CRIM1: variants seen among roughly 807,000 people sequenced by gnomAD.
CRIM1 encodes the protein cysteine-rich motor neuron 1 protein.
CRIM1 carries 32 observed loss-of-function variants against 116.4 expected under a neutral mutation model. The ratio of observed to expected loss-of-function variants is 0.27; its 90% CI spans 0.21 to 0.37. The LOEUF (loss-of-function observed/expected upper bound fraction) is 0.37. Ranked by LOEUF, CRIM1 falls within the 10% of genes least tolerant of loss-of-function variation. CRIM1 has a pLI of 1.00. For synonymous variants in CRIM1, 590 were observed against 509.2 expected (o/e 1.16, Z -2.13); for missense variants, 1,331 against 1,354.8 (o/e 0.98, Z 0.28).
At chr2:36,408,711 GTAAT>G (rs1390310885) in intron 2 of CRIM1, among the ~76,000 whole-genome samples, 4 of 152,024 alleles carry the variant, frequency 2.6e-5, no homozygotes, top group Non-Finnish European at 5.9e-5. Context: ...GTTAGTTAGT[GTAAT>G]TAGTATTCCA....
chr2:36,393,489 A>G (rs1671778847), intron 1 of CRIM1, among the ~76,000 whole-genome samples: 4 of 152,136 alleles, frequency 2.6e-5, no homozygotes, highest in African/African-American at 9.7e-5. Flanking sequence ...CTATATACAC[A>G]TATATGTATA....
intron 4 of CRIM1, among the ~76,000 whole-genome samples, chr2:36,457,157 T>G (rs115331155): frequency 3.9e-5 from 6 of 152,126 alleles, no homozygotes; most frequent in African/African-American, 1.4e-4. Context: ...ATTTTATAAA[T>G]TTTTTATTTC....
intron 14 of CRIM1, among the ~76,000 whole-genome samples, chr2:36,538,705 G>GT (rs1558416078): frequency 6.6e-6 from 1 of 152,160 alleles, no homozygotes; most frequent in African/African-American, 2.4e-5. Context: ...AGGTAAGGGG[G>GT]TGGAACCATT....
intron 11 of CRIM1, among the ~76,000 whole-genome samples, chr2:36,514,473 T>C (rs1664904791): frequency 6.6e-6 from 1 of 152,198 alleles, no homozygotes; most frequent in Non-Finnish European, 1.5e-5. Flanking sequence ...GCAGGCCACT[T>C]TGAGTTAGGG....
At chr2:36,525,503 A>G (rs1665695341) in intron 13 of CRIM1, among the ~76,000 whole-genome samples, 1 of 152,198 alleles carries the variant, frequency 6.6e-6, no homozygotes, top group South Asian at 2.1e-4. Flanking sequence ...GTCACTGAGC[A>G]AAGGAAAAAC....
Position 36,513,729 on chromosome 2 carries a change from A to G in CRIM1, c.1954A>G (p.Thr652Ala). 1.2e-6 allele frequency: 2 copies of G among 1,614,152 alleles called. No individual in the cohort carries two copies. The highest frequency in any genetic ancestry group is 4.5e-5 in the East Asian group (2 of 44,878). Reference protein sequence around the residue: ...TCPVPACGNPTIHPGQCCPSC... With the variant: ...TCPVPACGNPAIHPGQCCPSC... Reference sequence around the variant, plus strand: ...CCCGGTGCCTGCCTGTGGCAACCCCACCATTCACCCTGGACAGTGCTGCCC... The same window carrying G: ...CCCGGTGCCTGCCTGTGGCAACCCCGCCATTCACCCTGGACAGTGCTGCCC... The change falls in exon 11 of 17, where the codon ACC becomes GCC. Residue 652 changes from threonine (T) to alanine (A), a missense_variant. This residue lies in a region of CRIM1 where 358 missense variants were observed against 436.1 expected (regional missense o/e 0.82). Transcript: ENST00000280527.
At chr2:36,437,047 C>A (rs529631968) in intron 2 of CRIM1, among the ~76,000 whole-genome samples, 1 of 152,066 alleles carries the variant, frequency 6.6e-6, no homozygotes, top group African/African-American at 2.4e-5. Context: ...TGTTATAAGA[C>A]AACCAAATAG....
chr2:36,450,168 A>G (rs150677557), intron 4 of CRIM1, among the ~76,000 whole-genome samples: 2 of 152,302 alleles, frequency 1.3e-5, no homozygotes, highest in Admixed American at 6.5e-5. Context: ...GAATGTCGAT[A>G]TCTCTGCCTG....
At chr2:36,433,293 C>G (rs1396512123) in intron 2 of CRIM1, among the ~76,000 whole-genome samples, 1 of 152,186 alleles carries the variant, frequency 6.6e-6, no homozygotes, top group Non-Finnish European at 1.5e-5. Flanking sequence ...TAACAAATCT[C>G]TAATCTAAAG....
At chr2:36,366,118 G>A (rs1458313364) in intron 1 of CRIM1, among the ~76,000 whole-genome samples, 1 of 152,184 alleles carries the variant, frequency 6.6e-6, no homozygotes, top group Non-Finnish European at 1.5e-5. Flanking sequence ...AATTCATAAG[G>A]CAGATGCTTT....
intron 1 of CRIM1, among the ~76,000 whole-genome samples, chr2:36,373,300 C>T (rs1289656024): frequency 1.3e-5 from 2 of 152,190 alleles, no homozygotes; most frequent in African/African-American, 2.4e-5. Flanking sequence ...AGGGAGTGCC[C>T]ATCAGCCTGT....
rs554113060 is a variant in CRIM1 at position 36,431,549 on chromosome 2, C to A, written c.506-9709C>A. ...ATTTTTTGACAATATTACGATAATA[C>A]CCTTGGTTTATTGTTCCTTGTCTTT... is the stretch of plus-strand genomic sequence containing the variant. On this transcript the variant is annotated intron_variant, in intron 2 of 16. Coordinates refer to ENST00000280527, the MANE Select transcript of CRIM1 (RefSeq NM_016441.3). Among the ~76,000 whole-genome samples, 4 of 152,262 alleles carry A rather than the reference C, an allele frequency of 2.6e-5. No individual in the cohort carries two copies. The East Asian group carries it at 7.7e-4, about 29-fold the overall frequency.
chr2:36,539,718 G>C lies in CRIM1; in HGVS notation c.2623+2172G>C, dbSNP rs144691909. ...TATGCCATATGAGTCGCATCAGTAG[G>C]ATTTCAATGTATGCGGGGAGTGAGT... On this transcript the variant is annotated intron_variant, in intron 14 of 16. Transcript: ENST00000280527. 3.4e-3 allele frequency among the ~76,000 whole-genome samples: 517 copies of C among 152,278 alleles called. 3 individuals are homozygous for C. Among genetic ancestry groups the C allele is most frequent in the African/African-American group, 0.012 (486 of 41,550 alleles).
At chr2:36,464,444 G>A (rs1333486605) in intron 4 of CRIM1, 90 bp from the exon 5 acceptor site, 4 of 1,412,002 alleles carry the variant, frequency 2.8e-6, no homozygotes, top group Non-Finnish European at 3.0e-6. Context: ...CAGGTACTTT[G>A]CCACAGCCAC....
At chr2:36,391,666 C>CA (rs1671615051) in intron 1 of CRIM1, among the ~76,000 whole-genome samples, 1 of 152,134 alleles carries the variant, frequency 6.6e-6, no homozygotes, top group African/African-American at 2.4e-5. Context: ...CAGCAGTTCT[C>CA]AAAGTGTGGG....
chr2:36,544,776 A>G (rs1452259966), intron 15 of CRIM1, among the ~76,000 whole-genome samples: 2 of 152,368 alleles, frequency 1.3e-5, no homozygotes, highest in East Asian at 1.9e-4. Context: ...GTTCCTAGTC[A>G]TAAGAGCCTG....
intron 2 of CRIM1, among the ~76,000 whole-genome samples, chr2:36,405,117 A>T (rs1558546645): frequency 6.6e-6 from 1 of 152,206 alleles, no homozygotes. Context: ...TTTAGTATTT[A>T]GAAAGAAATA....
chr2:36,537,570 T>C (rs577257049), intron 14 of CRIM1, 24 bp downstream of exon 14: 1 of 1,570,574 alleles, frequency 6.4e-7, no homozygotes, highest in East Asian at 2.3e-5. Flanking sequence ...CATCCTTCCA[T>C]TTGTCAAGCT....
intron 4 of CRIM1, among the ~76,000 whole-genome samples, chr2:36,446,335 G>A (rs901230009): frequency 2.0e-5 from 3 of 152,168 alleles, no homozygotes; most frequent in African/African-American, 7.2e-5. Flanking sequence ...TATGTTTTCA[G>A]TTGATTCATT....
Sources: allele counts gnomAD v4.1 joint callset (sites outside exome capture counted in the v4.1 genomes callset), GRCh38; gene constraint gnomAD v4.1.1; regional missense constraint gnomAD v4.1.1; transcripts MANE v1.5; gene names NCBI Gene and HGNC (gene_info 2026-07-23, HGNC 2026-07-21).